ARHGEF3: variants seen among roughly 807,000 people sequenced by gnomAD.
The protein encoded by ARHGEF3 is Rho guanine nucleotide exchange factor 3.
In ARHGEF3, 28 loss-of-function variants were observed where a neutral mutation model predicts 63.2. The ratio of observed to expected loss-of-function variants is 0.44; its 90% confidence interval spans 0.33 to 0.61. The LOEUF (loss-of-function observed/expected upper bound fraction) is 0.61, where lower values mean the gene tolerates loss of function less well. Ranked by LOEUF, ARHGEF3 falls within the 20% of genes least tolerant of loss-of-function variation. ARHGEF3 has a pLI of 0.03. For missense variants in ARHGEF3, 533 were observed against 659.3 expected, an observed-to-expected ratio of 0.81 and a Z score of 2.10; for synonymous variants, 266 against 254.2, an observed-to-expected ratio of 1.05 and a Z score of -0.44.
In ARHGEF3 at chr3:57,015,671, G is replaced by A. The variant is rs547952462; in HGVS notation, c.62+19417C>T. ...TGCCCAGGCTGGTCTCAAACGCCTGGGCTCAAGTGATCCTCTTGCCTCTGC... is the reference window on the plus strand; with the variant it reads ...TGCCCAGGCTGGTCTCAAACGCCTGAGCTCAAGTGATCCTCTTGCCTCTGC... On this transcript the variant is annotated intron_variant, in intron 2 of 12. Coordinates refer to the ARHGEF3 transcript ENST00000338458. Among the ~76,000 whole-genome samples the A allele has an allele frequency of 4.6e-4, 69 of 151,250 alleles. 1 individual carries two copies. The highest frequency in any genetic ancestry group is 1.5e-3 in the African/African-American group (62 of 41,204).
intron 1 of ARHGEF3, chr3:56,775,126 C>A: frequency 6.5e-7 from 1 of 1,546,680 alleles, no homozygotes; most frequent in Non-Finnish European, 8.7e-7. Flanking sequence ...CCAGAGGGAG[C>A]CTCTAGGTAT....
At chr3:56,799,059 T>A (rs1447206957) in intron 1 of ARHGEF3, among the ~76,000 whole-genome samples, 1 of 152,210 alleles carries the variant, frequency 6.6e-6, no homozygotes, top group Non-Finnish European at 1.5e-5. Flanking sequence ...TTTAAAAATA[T>A]CATTTTTTGC....
intron 3 of ARHGEF3, among the ~76,000 whole-genome samples, chr3:56,916,717 C>A (rs936809959): frequency 1.3e-5 from 2 of 152,214 alleles, no homozygotes; most frequent in African/African-American, 4.8e-5. Flanking sequence ...CTGCCTGGAG[C>A]TTTGCAGACC....
intron 3 of ARHGEF3, among the ~76,000 whole-genome samples, chr3:56,910,788 A>C (rs2041833818): frequency 6.6e-6 from 1 of 152,202 alleles, no homozygotes; most frequent in Non-Finnish European, 1.5e-5. Context: ...CCTAAAAATC[A>C]CAATCATAAT....
intron 4 of ARHGEF3, among the ~76,000 whole-genome samples, chr3:56,861,797 A>G (rs2040081249): frequency 1.3e-5 from 2 of 151,956 alleles, no homozygotes; most frequent in South Asian, 4.2e-4. Context: ...CCACAAAGCT[A>G]TAGAATGTAC....
intron 3 of ARHGEF3, among the ~76,000 whole-genome samples, chr3:56,931,346 C>T (rs1156763732): frequency 6.6e-6 from 1 of 151,994 alleles, no homozygotes; most frequent in Non-Finnish European, 1.5e-5. Context: ...GAGGCCGAGA[C>T]AGGCAGATCA....
At position 56,729,139 on chromosome 3, in the gene ARHGEF3, C is replaced by T. The variant is rs946054305; in HGVS notation, c.*131G>A. On this transcript the variant is annotated 3_prime_UTR_variant, in exon 10 of 10. Coordinates refer to ENST00000296315, the MANE Select transcript of ARHGEF3 (RefSeq NM_019555.3). Reference sequence around the variant, plus strand: ...AGTACTAGGGACAAAGGTACAGATACGAGAGACTGGGCCAACATGTATACT... The same window carrying T: ...AGTACTAGGGACAAAGGTACAGATATGAGAGACTGGGCCAACATGTATACT... The T allele has an allele frequency of 2.9e-5, 22 of 761,866 alleles. 1 individual carries two copies. The highest frequency in any genetic ancestry group is 2.6e-4 in the South Asian group (14 of 53,176). The allele number at this position is 761,866 out of a possible 1,614,324, so 47.2% of individuals were successfully genotyped here. A position where few individuals can be genotyped will look rare whatever the true frequency, so the allele number is the denominator to read the frequency against.
chr3:56,970,387 A>C (rs1187093127), intron 2 of ARHGEF3, among the ~76,000 whole-genome samples: 1 of 152,226 alleles, frequency 6.6e-6, no homozygotes, highest in African/African-American at 2.4e-5. Flanking sequence ...TCAGTAAATA[A>C]GCTGAGAAAG....
At chr3:56,992,468 C>T (rs1032283047) in intron 2 of ARHGEF3, among the ~76,000 whole-genome samples, 1 of 145,490 alleles carries the variant, frequency 6.9e-6, no homozygotes, top group East Asian at 2.1e-4. Flanking sequence ...CCCAGCTGTA[C>T]CAACATTATG....
intron 2 of ARHGEF3, among the ~76,000 whole-genome samples, chr3:56,996,597 G>C (rs1701995756): frequency 6.6e-6 from 1 of 152,164 alleles, no homozygotes; most frequent in Non-Finnish European, 1.5e-5. Context: ...TGAATCTGCT[G>C]GCACCTTGAC....
chr3:57,042,689 TATATATA>T lies in ARHGEF3; in HGVS notation c.-27-7520_-27-7514del, dbSNP rs1288435051. Among the ~76,000 whole-genome samples the T allele has an allele frequency of 3.1e-3, 79 of 25,200 alleles. 7 individuals are homozygous for T. The highest frequency in any genetic ancestry group is 4.0e-3 in the Admixed American group (8 of 1,982). 16.5% of individuals were successfully genotyped at this position (25,200 alleles called of 152,430 possible). A position where few individuals can be genotyped will look rare whatever the true frequency, so the allele number is the denominator to read the frequency against. ...ATATATATATATATATATATATATA[TATATATA>T]TATATTTTTTTTTTTTTTTAGACGG... On this transcript the variant is annotated intron_variant, in intron 1 of 12. Transcript: ENST00000338458.
chr3:56,941,214 T>C (rs1699163892), intron 3 of ARHGEF3, among the ~76,000 whole-genome samples: 1 of 152,164 alleles, frequency 6.6e-6, no homozygotes, highest in Admixed American at 6.5e-5. Context: ...CCACAGCACA[T>C]GTTCTGTTTT....
chr3:56,813,541 T>A (rs887797943), intron 4 of ARHGEF3, among the ~76,000 whole-genome samples: 1 of 152,186 alleles, frequency 6.6e-6, no homozygotes, highest in Non-Finnish European at 1.5e-5. Context: ...GATTCTGCTG[T>A]TATGAAATGC....
chr3:56,884,773 G>C lies in ARHGEF3; in HGVS notation c.130-2419C>G, dbSNP rs556744765. Among the ~76,000 whole-genome samples the C allele has an allele frequency of 3.9e-5, 6 of 152,322 alleles. No homozygotes were observed. The South Asian group carries it at 1.2e-3, about 32-fold the overall frequency. On this transcript the variant is annotated intron_variant, in intron 3 of 12. Coordinates refer to the ARHGEF3 transcript ENST00000338458. Reference sequence around the variant, plus strand: ...TGATCCTTACTGATTCACCATCCAGGTACAATTAAAAACAGCACTTCAGTG... The same window carrying C: ...TGATCCTTACTGATTCACCATCCAGCTACAATTAAAAACAGCACTTCAGTG...
At chr3:56,954,612 G>A (rs562870496) in intron 3 of ARHGEF3, among the ~76,000 whole-genome samples, 12 of 152,124 alleles carry the variant, frequency 7.9e-5, no homozygotes, top group Non-Finnish European at 1.8e-4. Flanking sequence ...GTAAGTGGTG[G>A]GCACAGTGCC....
At chr3:56,793,549 C>T (rs182110539) in intron 1 of ARHGEF3, among the ~76,000 whole-genome samples, 4 of 152,162 alleles carry the variant, frequency 2.6e-5, no homozygotes, top group Admixed American at 6.5e-5. Context: ...GTGATCCGCC[C>T]GCCTCGGCTT....
chr3:57,031,149 TG>T (rs1703713343), intron 2 of ARHGEF3, among the ~76,000 whole-genome samples: 1 of 152,210 alleles, frequency 6.6e-6, no homozygotes, highest in Non-Finnish European at 1.5e-5. Context: ...AAGTACCTAC[TG>T]TGTGCCAAGC....
chr3:56,830,227 C>T (rs1353363668), intron 4 of ARHGEF3, among the ~76,000 whole-genome samples: 1 of 151,944 alleles, frequency 6.6e-6, no homozygotes, highest in Non-Finnish European at 1.5e-5. Context: ...ATAACAGTGA[C>T]GATGATGGCT....
intron 2 of ARHGEF3, among the ~76,000 whole-genome samples, chr3:56,979,744 A>T (rs766591349): frequency 6.6e-6 from 1 of 152,228 alleles, no homozygotes; most frequent in Non-Finnish European, 1.5e-5. Flanking sequence ...TCCTTTTCTT[A>T]GCCCTTTGTG....
Sources: gnomAD v4.1 joint callset for allele counts (sites outside exome capture counted in the v4.1 genomes callset) on GRCh38, gnomAD v4.1.1 for gene constraint, MANE v1.5 for transcripts, NCBI Gene and HGNC (gene_info 2026-07-23, HGNC 2026-07-21) for gene names.